PLCB1: variants seen among roughly 807,000 people sequenced by gnomAD.
PLCB1 encodes phospholipase C beta 1, also known as 1-phosphatidylinositol 4,5-bisphosphate phosphodiesterase beta-1.
Under a neutral mutation model 161.8 loss-of-function variants are expected in PLCB1, and 46 were observed. That is an observed-to-expected ratio of 0.28 (90% CI 0.22 to 0.36). The LOEUF is 0.36. Among genes scored for constraint, PLCB1 ranks in the 10% least tolerant of loss-of-function variants. The pLI, the probability that PLCB1 is intolerant of heterozygous loss-of-function variation, is 1.00. For missense variants in PLCB1, 1,016 were observed against 1,472.5 expected, an observed-to-expected ratio of 0.69 and a Z score of 5.07; for synonymous variants, 517 against 503.7, an observed-to-expected ratio of 1.03 and a Z score of -0.35.
At chr20:8,577,439 A>C (rs1372114361) in intron 3 of PLCB1, among the ~76,000 whole-genome samples, 6 of 48,768 alleles carry the variant, frequency 1.2e-4, no homozygotes, top group African/African-American at 9.8e-4. Flanking sequence ...CCCTGTCTCA[A>C]AAAAAAAAAA....
intron 3 of PLCB1, among the ~76,000 whole-genome samples, chr20:8,403,248 C>T (rs1978643121): frequency 6.6e-6 from 1 of 152,106 alleles, no homozygotes; most frequent in South Asian, 2.1e-4. Context: ...GGCACAGTGG[C>T]TCATGACTGT....
intron 7 of PLCB1, among the ~76,000 whole-genome samples, chr20:8,654,084 G>A (rs1010126444): frequency 6.6e-6 from 1 of 150,594 alleles, no homozygotes; most frequent in African/African-American, 2.4e-5. Flanking sequence ...TTTTTAATTT[G>A]GCATTTGGAT....
intron 3 of PLCB1, among the ~76,000 whole-genome samples, chr20:8,501,290 G>A (rs944923800): frequency 9.2e-5 from 14 of 152,250 alleles, no homozygotes; most frequent in East Asian, 5.8e-4. Context: ...CTCCATCCTC[G>A]CTGTCAGATC....
intron 31 of PLCB1, among the ~76,000 whole-genome samples, chr20:8,858,646 C>T (rs946161344): frequency 3.3e-5 from 5 of 152,072 alleles, no homozygotes; most frequent in Admixed American, 6.6e-5. Flanking sequence ...TGGACTACAG[C>T]ACTGACCTTC....
At chr20:8,786,946 C>T (rs892482850) in intron 27 of PLCB1, among the ~76,000 whole-genome samples, 7 of 152,138 alleles carry the variant, frequency 4.6e-5, no homozygotes, top group Non-Finnish European at 1.0e-4. Flanking sequence ...CTCAAGCGAT[C>T]CACCTGCCTC....
intron 2 of PLCB1, among the ~76,000 whole-genome samples, chr20:8,275,256 T>TGTGTGC (rs1156977310): frequency 6.6e-6 from 1 of 150,886 alleles, no homozygotes; most frequent in East Asian, 1.9e-4. Flanking sequence ...CGTGAGTGTG[T>TGTGTGC]GTGTGTGTGT....
chr20:8,757,830 C>CCACTCTTGTCT (rs1981816032), intron 24 of PLCB1, among the ~76,000 whole-genome samples: 1 of 151,034 alleles, frequency 6.6e-6, no homozygotes, highest in East Asian at 2.0e-4. Context: ...ACAGCCAAAG[C>CCACTCTTGTCT]CACACTCTTG....
intron 2 of PLCB1, among the ~76,000 whole-genome samples, chr20:8,223,187 G>A (rs1979505497): frequency 6.6e-6 from 1 of 152,124 alleles, no homozygotes; most frequent in Non-Finnish European, 1.5e-5. Context: ...AGCCATAGTT[G>A]CCCTGCTAAG....
chr20:8,170,622 A>G (rs2051723840), intron 2 of PLCB1, among the ~76,000 whole-genome samples: 1 of 152,200 alleles, frequency 6.6e-6, no homozygotes, highest in African/African-American at 2.4e-5. Flanking sequence ...GAGAAGAAGC[A>G]TATTATATTG....
chr20:8,687,517 T>C (rs1267988081), intron 10 of PLCB1, among the ~76,000 whole-genome samples: 1 of 152,132 alleles, frequency 6.6e-6, no homozygotes, highest in Non-Finnish European at 1.5e-5. Flanking sequence ...CCCCAAAGTC[T>C]ATTATATCAT....
At chr20:8,665,929 A>G (rs186654844) in intron 9 of PLCB1, among the ~76,000 whole-genome samples, 49 of 152,258 alleles carry the variant, frequency 3.2e-4, no homozygotes, top group Non-Finnish European at 4.4e-4. Context: ...GAGACCAGCA[A>G]TGTAGCAGAC....
At chr20:8,564,281 A>ATATGCGGAAAACTGGCTAGCCG (rs1986249237) in intron 3 of PLCB1, among the ~76,000 whole-genome samples, 2 of 152,196 alleles carry the variant, frequency 1.3e-5, no homozygotes, top group Non-Finnish European at 2.9e-5. Flanking sequence ...CTGGCTAGCC[A>ATATGCGGAAAACTGGCTAGCCG]TATGCAGAAA....
At chr20:8,523,029 G>A (rs1390877827) in intron 3 of PLCB1, among the ~76,000 whole-genome samples, 3 of 152,078 alleles carry the variant, frequency 2.0e-5, no homozygotes, top group Non-Finnish European at 4.4e-5. Flanking sequence ...AGCATGATTC[G>A]TGGTCCTCAA....
chr20:8,645,280 T>C lies in PLCB1; in HGVS notation c.385-822T>C, dbSNP rs549780797. ...TATGACCCTGCCAAATCCCCCTCTG[T>C]GAGAAACACCCAAGAATGATCAATA... is the stretch of plus-strand genomic sequence containing the variant. On this transcript the variant is annotated intron_variant, in intron 4 of 31. Coordinates refer to ENST00000338037, the MANE Select transcript of PLCB1 (RefSeq NM_015192.4). 1.6e-3 allele frequency among the ~76,000 whole-genome samples: 238 copies of C among 150,676 alleles called. 1 individual carries two copies. The highest frequency in any genetic ancestry group is 2.2e-3 in the Non-Finnish European group (148 of 67,822).
At chr20:8,739,423 A>G (rs1980755125) in intron 21 of PLCB1, 63 bp downstream of exon 21, 1 of 966,898 alleles carries the variant, frequency 1.0e-6, no homozygotes. Context: ...ACTGCTTAAA[A>G]TATTACTAGA....
In PLCB1 at chr20:8,263,144, T is replaced by A. The variant is rs139429093; in HGVS notation, c.178-108238T>A. ...TCTAAGCCTCAGTTTTGTCATCTGTTAGATGGGAATGAATGAGTTAATATC... is the reference window on the plus strand; with the variant it reads ...TCTAAGCCTCAGTTTTGTCATCTGTAAGATGGGAATGAATGAGTTAATATC... On this transcript the variant is annotated intron_variant, in intron 2 of 31. Transcript: ENST00000338037. Among the ~76,000 whole-genome samples, 477 of 152,080 alleles carry A rather than the reference T, an allele frequency of 3.1e-3. 1 individual carries two copies. The Middle Eastern group carries it at 0.034, about 11-fold the overall frequency.
chr20:8,664,042 C>A (rs1989750899), intron 9 of PLCB1, among the ~76,000 whole-genome samples: 1 of 152,088 alleles, frequency 6.6e-6, no homozygotes, highest in Admixed American at 6.6e-5. Flanking sequence ...CCAAATTTTA[C>A]TTAAATAAAC....
intron 19 of PLCB1, among the ~76,000 whole-genome samples, chr20:8,735,007 A>C (rs905983399): frequency 1.3e-5 from 2 of 152,196 alleles, no homozygotes; most frequent in Non-Finnish European, 2.9e-5. Flanking sequence ...TATCTTTTGA[A>C]ATTACTTCAA....
intron 31 of PLCB1, among the ~76,000 whole-genome samples, chr20:8,805,789 A>T (rs1490066062): frequency 1.3e-5 from 2 of 152,210 alleles, no homozygotes; most frequent in Non-Finnish European, 2.9e-5. Context: ...AGATTTTATG[A>T]TCTAGATGTC....
Sources: allele counts gnomAD v4.1 joint callset (sites outside exome capture counted in the v4.1 genomes callset), GRCh38; gene constraint gnomAD v4.1.1; transcripts MANE v1.5; gene names NCBI Gene and HGNC (gene_info 2026-07-23, HGNC 2026-07-21).